Variants in FAAH2 observed in about 807,000 individuals in gnomAD.
FAAH2 encodes fatty-acid amide hydrolase 2.
Under a neutral mutation model 36.9 loss-of-function variants are expected in FAAH2, and 60 were observed. The observed-to-expected ratio is 1.63, with a 90% CI of 1.32 to 2.02. The LOEUF (loss-of-function observed/expected upper bound fraction) is 2.02. Ranked by LOEUF, FAAH2 falls within the 30% of genes most tolerant of loss-of-function variation. The probability of loss-of-function intolerance (pLI) is 0.00; values close to 1 mark genes in which losing one functional copy is unlikely to be tolerated. For missense variants in FAAH2, 689 were observed against 397.5 expected (o/e 1.73, Z -6.23); for synonymous variants, 214 against 143.8 (o/e 1.49, Z -3.49).
chrX:57,448,417 C>A (rs776338790), intron 9 of FAAH2, 107 bp from the exon 10 acceptor site: 2 of 738,156 alleles, frequency 2.7e-6, no homozygotes, highest in East Asian at 3.5e-5. Context: ...CTTACTTTCT[C>A]AGTGTTCTAT....
At chrX:57,441,083 CTGCCAGGCTT>C (rs1050925026) in intron 8 of FAAH2, among the ~76,000 whole-genome samples, 4 of 111,347 alleles carry the variant, frequency 3.6e-5, no homozygotes, top group African/African-American at 1.3e-4. Flanking sequence ...TGTTGTGTTT[CTGCCAGGCTT>C]TGGTATCAGG....
chrX:57,208,642 G>T, the FAAH2 span, among the ~76,000 whole-genome samples: 6 of 111,645 alleles, frequency 5.4e-5, no homozygotes, highest in Non-Finnish European at 1.1e-4. Context: ...GAAATCAGGG[G>T]TCTCACAACC....
the FAAH2 span, among the ~76,000 whole-genome samples, chrX:57,198,480 G>T: frequency 8.9e-6 from 1 of 112,219 alleles, no homozygotes; most frequent in East Asian, 2.8e-4. Context: ...CTGAGATCTT[G>T]CCCCAGGCTA....
At chrX:57,290,300 G>A in intron 1 of FAAH2, 2 of 749,807 alleles carry the variant, frequency 2.7e-6, no homozygotes, top group Non-Finnish European at 3.1e-6. Context: ...GGAGTGACCA[G>A]GTACTAGACA....
At chrX:57,137,400 C>G in the FAAH2 span, 8 of 738,994 alleles carry the variant, frequency 1.1e-5, no homozygotes, top group Non-Finnish European at 1.3e-5. Flanking sequence ...GCAAAGAGCA[C>G]TGCAGCGGTG....
chrX:57,267,023 G>T, the FAAH2 span, among the ~76,000 whole-genome samples: 23,365 of 111,077 alleles, frequency 0.21, 2,272 homozygotes, highest in Middle Eastern at 0.55. Flanking sequence ...GCCCCATCCT[G>T]GCCATGCCTG....
In FAAH2 at chrX:57,401,983, G is replaced by A. The variant is rs777981589; in HGVS notation, c.996+20954G>A. 5.4e-5 allele frequency among the ~76,000 whole-genome samples: 6 copies of A among 111,131 alleles called. No homozygotes were observed. In the East Asian group the frequency reaches 8.6e-4, roughly 16 times the overall value. ...AAGTATCTAGTGACTGGCTGTCCTA[G>A]GACCCCTTGGATAGTGACAGATCTG... is the stretch of plus-strand genomic sequence containing the variant. On this transcript the variant is annotated intron_variant, in intron 7 of 10. Coordinates refer to ENST00000374900, the MANE Select transcript of FAAH2 (RefSeq NM_174912.4).
chrX:57,224,509 T>C, the FAAH2 span, among the ~76,000 whole-genome samples: 1 of 111,034 alleles, frequency 9.0e-6, no homozygotes, highest in Non-Finnish European at 1.9e-5. Context: ...TCAGGCCCAG[T>C]CCCAAGGCGC....
the FAAH2 span, among the ~76,000 whole-genome samples, chrX:57,274,896 T>G: frequency 8.9e-6 from 1 of 111,824 alleles, no homozygotes; most frequent in Non-Finnish European, 1.9e-5. Context: ...TATTGGAAGT[T>G]CTGGCCAGGG....
chrX:57,357,263 C>T (rs182982252), intron 5 of FAAH2, among the ~76,000 whole-genome samples: 1 of 111,301 alleles, frequency 9.0e-6, no homozygotes, highest in African/African-American at 3.3e-5. Context: ...CCATTCAGGA[C>T]ATAGGCATGG....
chrX:57,394,084 G>T, intron 7 of FAAH2: 2 of 727,866 alleles, frequency 2.7e-6, no homozygotes, highest in Non-Finnish European at 4.4e-6. Flanking sequence ...CAGCAACAAG[G>T]TTATTAGATA....
chrX:57,433,216 T>C (rs1051471005), intron 8 of FAAH2, among the ~76,000 whole-genome samples: 1 of 111,290 alleles, frequency 9.0e-6, no homozygotes, highest in Non-Finnish European at 1.9e-5. Flanking sequence ...TTAACATACA[T>C]GCTGACTGTC....
intron 7 of FAAH2, among the ~76,000 whole-genome samples, chrX:57,423,473 G>C (rs1290418449): frequency 1.8e-5 from 2 of 111,646 alleles, no homozygotes; most frequent in Non-Finnish European, 3.8e-5. Flanking sequence ...AAGGCAAACT[G>C]TTTGTGTCTC....
At chrX:57,390,213 G>T (rs2055131890) in intron 7 of FAAH2, among the ~76,000 whole-genome samples, 1 of 111,331 alleles carries the variant, frequency 9.0e-6, no homozygotes, top group Non-Finnish European at 1.9e-5. Flanking sequence ...GTCTATTTTT[G>T]CTTTATTAGC....
At position 57,385,965 on chromosome X, in the gene FAAH2, T is replaced by G. The variant is rs183129594; in HGVS notation, c.996+4936T>G. Among the ~76,000 whole-genome samples, 372 of 110,915 alleles carry G rather than the reference T, an allele frequency of 3.4e-3. 1 individual carries two copies. Among genetic ancestry groups the G allele is most frequent in the African/African-American group, 0.012 (354 of 30,602 alleles). On this transcript the variant is annotated intron_variant, in intron 7 of 10. Coordinates refer to ENST00000374900, the MANE Select transcript of FAAH2 (RefSeq NM_174912.4). ...ACTGTGTTACTAGATTTGAAAGTCA[T>G]GTTATAAAATTATACGTTATTTTTA...
intron 5 of FAAH2, among the ~76,000 whole-genome samples, chrX:57,353,410 C>T (rs1271749995): frequency 9.7e-6 from 1 of 103,273 alleles, no homozygotes; most frequent in African/African-American, 3.5e-5. Flanking sequence ...AAGAATGAAA[C>T]TAGACTACTT....
At chrX:57,124,177 T>G in the FAAH2 span, among the ~76,000 whole-genome samples, 1 of 111,695 alleles carries the variant, frequency 9.0e-6, no homozygotes, top group Non-Finnish European at 1.9e-5. Flanking sequence ...AATTAATTTT[T>G]GTATAAGGTG....
intron 9 of FAAH2, among the ~76,000 whole-genome samples, chrX:57,448,132 G>A (rs373854183): frequency 2.7e-5 from 3 of 111,131 alleles, no homozygotes; most frequent in African/African-American, 9.8e-5. Flanking sequence ...GGGACTACAG[G>A]GCTCACCACC....
the FAAH2 span, among the ~76,000 whole-genome samples, chrX:57,264,130 G>A: frequency 1.8e-5 from 2 of 111,611 alleles, no homozygotes; most frequent in African/African-American, 6.5e-5. Context: ...AAAAAAATAG[G>A]AGAAAATTTT....
Sources: allele counts gnomAD v4.1 joint callset (sites outside exome capture counted in the v4.1 genomes callset), GRCh38; gene constraint gnomAD v4.1.1; transcripts MANE v1.5; gene names NCBI Gene and HGNC (gene_info 2026-07-23, HGNC 2026-07-21).